Variants in FNTA observed in about 807,000 individuals in gnomAD.
FNTA encodes farnesyltransferase, CAAX box, subunit alpha, also known as protein farnesyltransferase/geranylgeranyltransferase type-1 subunit alpha.
A neutral mutation model predicts 55.2 loss-of-function variants in FNTA; 27 were observed. That is an observed-to-expected ratio of 0.49 (90% confidence interval 0.36 to 0.67). The LOEUF is 0.67. Ranked by LOEUF, FNTA falls within the 30% of genes least tolerant of loss-of-function variation. The pLI, the probability that FNTA is intolerant of heterozygous loss-of-function variation, is 0.00. For synonymous variants in FNTA, 176 were observed against 170.7 expected (o/e 1.03, Z -0.24); for missense variants, 422 against 464.7 (o/e 0.91, Z 0.85).
At chr8:43,059,039 CCTTTT>C (rs771120816) in intron 1 of FNTA, 48 bp from the exon 2 acceptor site, 8 of 1,278,806 alleles carry the variant, frequency 6.3e-6, no homozygotes, top group South Asian at 6.2e-5. Flanking sequence ...CACTAGAGTC[CCTTTT>C]CTTCTGTATT....
At position 43,059,168 on chromosome 8, in the gene FNTA, A is replaced by G. The variant is rs1400923176; in HGVS notation, c.277A>G (p.Ser93Gly). Residue 93 changes from serine to glycine, a missense_variant, in exon 2 of 9, where the codon AGT becomes GGT. Physicochemically the swap from Ser to Gly is moderately conservative, Grantham distance 56. This residue lies in a region of FNTA where 262 missense variants were observed against 343.1 expected (regional missense o/e 0.76). Coordinates refer to ENST00000302279, the MANE Select transcript of FNTA (RefSeq NM_002027.3). ...CAATCCCGTGGTCCAGATCATTTAT[A>G]GTGACAAATGTAAGTTTGTTTATAT... ...GPNPVVQIIY[S>G]DKFRDVYDYF... 6.2e-7 allele frequency: 1 copy of G among 1,610,656 alleles called. No individual in the cohort carries two copies. Among genetic ancestry groups the G allele is most frequent in the Non-Finnish European group, 8.5e-7 (1 of 1,178,234 alleles).
chr8:43,060,369 G>A (rs1308296103), intron 2 of FNTA, among the ~76,000 whole-genome samples: 1 of 152,086 alleles, frequency 6.6e-6, no homozygotes, highest in East Asian at 1.9e-4. Context: ...TAACCTTTTT[G>A]CAAGGTATAA....
chr8:43,078,230 G>T (rs1321008907), intron 6 of FNTA: 1 of 152,158 alleles, frequency 6.6e-6, no homozygotes, highest in Admixed American at 6.5e-5. Flanking sequence ...TTTGTCTGGA[G>T]CGTGCACTAC....
At chr8:43,061,357 C>T (rs1490787358) in intron 2 of FNTA, among the ~76,000 whole-genome samples, 1 of 152,188 alleles carries the variant, frequency 6.6e-6, no homozygotes, top group East Asian at 1.9e-4. Context: ...ACTGTGTAAT[C>T]TTGGACAAGT....
intron 2 of FNTA, 101 bp downstream of exon 2, chr8:43,059,278 T>C (rs1810480045): frequency 1.3e-6 from 1 of 771,606 alleles, no homozygotes; most frequent in Non-Finnish European, 2.1e-6. Flanking sequence ...TTCTGTCTAA[T>C]AAAAATCTGA....
intron 3 of FNTA, among the ~76,000 whole-genome samples, chr8:43,066,740 G>T (rs1026466208): frequency 2.0e-5 from 3 of 152,042 alleles, no homozygotes; most frequent in African/African-American, 7.2e-5. Flanking sequence ...AATCCTGATT[G>T]GAAGCCCTGT....
chr8:43,084,680 C>G, intron 7 of FNTA, 30 bp from the exon 8 acceptor site: 1 of 1,550,216 alleles, frequency 6.5e-7, no homozygotes, highest in South Asian at 1.2e-5. Flanking sequence ...TTCACAAAAT[C>G]AAGTCTTTGT....
At chr8:43,066,484 C>T (rs1191005079) in intron 3 of FNTA, among the ~76,000 whole-genome samples, 1 of 151,496 alleles carries the variant, frequency 6.6e-6, no homozygotes, top group African/African-American at 2.4e-5. Context: ...TGGTCTTGAT[C>T]TCCTGACCTC....
intron 4 of FNTA, chr8:43,070,491 C>T (rs1018955988): frequency 4.6e-5 from 7 of 152,082 alleles, no homozygotes; most frequent in Non-Finnish European, 7.4e-5. Context: ...AATTAAGGTG[C>T]TTTTATGTAA....
At chr8:43,059,314 GT>G (rs57363090) in intron 2 of FNTA, 137 bp downstream of exon 2, 20,580 of 609,236 alleles carry the variant, frequency 0.034, 490 homozygotes, top group Non-Finnish European at 0.046. Context: ...TTAATTTTGT[GT>G]TTTTTTTATG....
intron 6 of FNTA, chr8:43,082,060 T>G (rs1265414057): frequency 6.6e-6 from 1 of 152,118 alleles, no homozygotes; most frequent in Non-Finnish European, 1.5e-5. Context: ...TAATGTTGAA[T>G]GAGTTTATTA....
In FNTA at chr8:43,057,579, T is replaced by G. The variant is rs537190626; in HGVS notation, c.200+1033T>G. Among the ~76,000 whole-genome samples, 160 of 152,316 alleles carry G rather than the reference T, an allele frequency of 1.1e-3. 2 individuals are homozygous for G. Among genetic ancestry groups the G allele is most frequent in the Admixed American group, 2.3e-3 (35 of 15,300 alleles). Reference sequence around the variant, plus strand: ...TCATGATTTCACTTGTATTTCTCCCTGTATAATGGACACAATTACTAGCAT... The same window carrying G: ...TCATGATTTCACTTGTATTTCTCCCGGTATAATGGACACAATTACTAGCAT... On this transcript the variant is annotated intron_variant, in intron 1 of 8. Transcript: ENST00000302279.
Position 43,072,164 on chromosome 8 carries a change from C to T in FNTA, c.507-17C>T, listed in dbSNP as rs772279205. The T allele has an allele frequency of 7.5e-6, 11 of 1,460,080 alleles. No homozygotes were observed. Among genetic ancestry groups the T allele is most frequent in the Non-Finnish European group, 1.0e-5 (11 of 1,097,800 alleles). The allele number at this position is 1,460,080 out of a possible 1,614,324, so 90.4% of individuals were successfully genotyped here. ...GGTAAATTAACAAAAAACTTCTCTC[C>T]CTTCTTTGGGCTTTAGGCATCATAG... On this transcript the variant is annotated splice_polypyrimidine_tract_variant and intron_variant, in intron 4 of 8. Coordinates refer to ENST00000302279, the MANE Select transcript of FNTA (RefSeq NM_002027.3).
intron 2 of FNTA, among the ~76,000 whole-genome samples, chr8:43,060,024 A>C (rs1810495030): frequency 6.6e-6 from 1 of 152,220 alleles, no homozygotes; most frequent in Non-Finnish European, 1.5e-5. Flanking sequence ...GGATTAATCA[A>C]ATAATGGTTG....
chr8:43,066,221 T>A, intron 3 of FNTA, among the ~76,000 whole-genome samples: 1 of 150,698 alleles, frequency 6.6e-6, no homozygotes, highest in Non-Finnish European at 1.5e-5. Context: ...TCTGCATTCA[T>A]TTTTAATTTG....
At position 43,056,365 on chromosome 8, in the gene FNTA, G is replaced by C; in HGVS notation, c.19G>C (p.Val7Leu). 1 of 1,454,032 alleles carries C rather than the reference G, an allele frequency of 6.9e-7. No homozygotes were observed. Among genetic ancestry groups the C allele is most frequent in the Non-Finnish European group, 9.0e-7 (1 of 1,107,520 alleles). The allele number at this position is 1,454,032 out of a possible 1,614,324, so 90.1% of individuals were successfully genotyped here. A position where few individuals can be genotyped will look rare whatever the true frequency, so the allele number is the denominator to read the frequency against. The change falls in exon 1 of 9, where the codon GTC becomes CTC. Residue 7 changes from valine to leucine, a missense_variant. This residue lies in a region of FNTA where 160 missense variants were observed against 121.6 expected (regional missense o/e 1.32). Transcript: ENST00000302279. Reference protein sequence around the residue: MAATEGVGEAAQGGEPG... With the variant: MAATEGLGEAAQGGEPG... ...AGGCGAGATGGCGGCCACCGAGGGG[G>C]TCGGGGAGGCTGCGCAAGGGGGCGA...
In FNTA at chr8:43,071,230, A is replaced by T. The variant is rs1479830332; in HGVS notation, c.507-951A>T. ...TTCCCCCATTCAAAGTATATAATTC[A>T]GTGTTTTTTAGTATATATACAGATC... On this transcript the variant is annotated intron_variant, in intron 4 of 8. Coordinates refer to ENST00000302279, the MANE Select transcript of FNTA (RefSeq NM_002027.3). 3.3e-5 allele frequency among the ~76,000 whole-genome samples: 5 copies of T among 152,206 alleles called. No homozygotes were observed. The East Asian group carries it at 7.7e-4, about 23-fold the overall frequency.
intron 2 of FNTA, among the ~76,000 whole-genome samples, chr8:43,062,517 A>G (rs912986423): frequency 4.6e-5 from 7 of 151,606 alleles, no homozygotes; most frequent in African/African-American, 1.7e-4. Context: ...TCTGACCTCA[A>G]GTGATCCTCC....
intron 3 of FNTA, among the ~76,000 whole-genome samples, chr8:43,067,470 GTTTAC>G (rs1340854121): frequency 6.6e-6 from 1 of 151,972 alleles, no homozygotes; most frequent in Non-Finnish European, 1.5e-5. Context: ...GAATAAACTT[GTTTAC>G]TTAATCTACC....
Sources: allele counts gnomAD v4.1 joint callset (sites outside exome capture counted in the v4.1 genomes callset), GRCh38; gene constraint gnomAD v4.1.1; regional missense constraint gnomAD v4.1.1; transcripts MANE v1.5; gene names NCBI Gene and HGNC (gene_info 2026-07-23, HGNC 2026-07-21).